AP2A2: variants seen among roughly 807,000 people sequenced by gnomAD.
The protein encoded by AP2A2 is adaptor related protein complex 2 subunit alpha 2.
In AP2A2, 32 loss-of-function variants were observed where a neutral mutation model predicts 104.2. The observed-to-expected ratio is 0.31, with a 90% CI of 0.23 to 0.41. The LOEUF (loss-of-function observed/expected upper bound fraction) is 0.41, where lower values mean the gene tolerates loss of function less well. AP2A2 is among the 10% of genes least tolerant of loss of function. The pLI is 1.00. For synonymous variants in AP2A2, 539 were observed against 533.3 expected (o/e 1.01, Z -0.15); for missense variants, 912 against 1,261.0 (o/e 0.72, Z 4.19).
Position 976,623 on chromosome 11 carries a change from G to A in AP2A2, c.474-472G>A, listed in dbSNP as rs772735457. ...CTTCCCACCGTGTCTGTAGGGACCC[G>A]AAGCCCTTTGCTCCAGGGGCAAGGG... On this transcript the variant is annotated intron_variant, in intron 4 of 21. Transcript: ENST00000448903. Among the ~76,000 whole-genome samples the A allele has an allele frequency of 3.3e-5, 5 of 151,958 alleles. No homozygotes were observed. In the South Asian group the frequency reaches 8.3e-4, roughly 25 times the overall value.
chr11:927,508 G>C (rs1213453410), intron 1 of AP2A2, among the ~76,000 whole-genome samples: 1 of 134,746 alleles, frequency 7.4e-6, no homozygotes, highest in Non-Finnish European at 1.6e-5. Context: ...CCTGTACTCT[G>C]TTAAAAAAAA....
chr11:995,996 G>C (rs541419482), intron 14 of AP2A2: 1 of 151,984 alleles, frequency 6.6e-6, no homozygotes, highest in Non-Finnish European at 1.5e-5. Flanking sequence ...ACCTGCTTTT[G>C]ACCCTGTCTC....
intron 1 of AP2A2, among the ~76,000 whole-genome samples, chr11:930,317 C>T (rs747484380): frequency 6.6e-6 from 1 of 152,024 alleles, no homozygotes; most frequent in Non-Finnish European, 1.5e-5. Context: ...TCAAGCTCTG[C>T]CCCTCAAAGT....
Position 940,322 on chromosome 11 carries a change from T to C in AP2A2, c.67+14234T>C, listed in dbSNP as rs781698288. On this transcript the variant is annotated intron_variant, in intron 1 of 21. Transcript: ENST00000448903. ...TGGCCTTATTCAATCTGGAAACTTA[T>C]GTCTTTTGGGCTCTAGTGGAAAATA... 2.8e-4 allele frequency among the ~76,000 whole-genome samples: 43 copies of C among 152,354 alleles called. 1 individual carries two copies. The highest frequency in any genetic ancestry group is 1.7e-3 in the Admixed American group (26 of 15,292).
chr11:1,006,861 T>G, intron 17 of AP2A2: 1 of 503,506 alleles, frequency 2.0e-6, no homozygotes, highest in Non-Finnish European at 3.5e-6. Context: ...ACATGCCTCC[T>G]CCCCTTCCAT....
chr11:965,804 C>G (rs1854594481), intron 2 of AP2A2, among the ~76,000 whole-genome samples: 1 of 152,216 alleles, frequency 6.6e-6, no homozygotes. Context: ...CTTTAGAAAA[C>G]AACTGTTGTG....
intron 19 of AP2A2, 32 bp from the exon 20 acceptor site, chr11:1,009,296 C>T: frequency 3.7e-6 from 6 of 1,611,796 alleles, no homozygotes; most frequent in Non-Finnish European, 5.1e-6. Context: ...TCTGGCCTGG[C>T]TGAGAACACT....
At chr11:978,306 C>T (rs939671901) in intron 5 of AP2A2, among the ~76,000 whole-genome samples, 13 of 152,132 alleles carry the variant, frequency 8.5e-5, no homozygotes, top group Non-Finnish European at 1.2e-4. Flanking sequence ...TGGGACTGGC[C>T]GGGACTGCTG....
At chr11:929,411 C>T (rs1181424021) in intron 1 of AP2A2, among the ~76,000 whole-genome samples, 1 of 152,142 alleles carries the variant, frequency 6.6e-6, no homozygotes, top group Non-Finnish European at 1.5e-5. Flanking sequence ...CCACAGCGGA[C>T]AGTTGAAGGG....
At chr11:974,937 A>T (rs1056113549) in intron 4 of AP2A2, among the ~76,000 whole-genome samples, 1 of 152,226 alleles carries the variant, frequency 6.6e-6, no homozygotes, top group South Asian at 2.1e-4. Context: ...GTGAGCCGAG[A>T]TTGCTCCACT....
intron 1 of AP2A2, among the ~76,000 whole-genome samples, chr11:952,248 T>C (rs1240674274): frequency 2.0e-5 from 3 of 152,226 alleles, no homozygotes; most frequent in African/African-American, 7.2e-5. Flanking sequence ...TTTGGTACTT[T>C]GGTATTTTAT....
intron 2 of AP2A2, among the ~76,000 whole-genome samples, chr11:961,484 T>C (rs28515085): frequency 3.7e-5 from 3 of 80,488 alleles, no homozygotes; most frequent in East Asian, 3.9e-4. Flanking sequence ...GAAAAGTAAA[T>C]GGCAGAAGCA....
Position 993,438 on chromosome 11 carries a change from C to A in AP2A2, c.1550+57C>A. On this transcript the variant is annotated intron_variant, in intron 12 of 21. Transcript: ENST00000448903. The surrounding 1 kb of genome is among the most constrained non-coding windows in gnomAD (Gnocchi z 8.2). The stretch of plus-strand genomic sequence containing the variant: ...GCGCTCCGGCGGGCCTCTCGGTGGT[C>A]GGTGGCAAGAGGCGAGGCACCAGCT... The A allele has an allele frequency of 1.4e-6, 2 of 1,389,638 alleles. No homozygotes were observed. Among genetic ancestry groups the A allele is most frequent in the African/African-American group, 1.5e-5 (1 of 68,478 alleles). 86.1% of individuals were successfully genotyped at this position (1,389,638 alleles called of 1,614,324 possible). A position where few individuals can be genotyped will look rare whatever the true frequency, so the allele number is the denominator to read the frequency against.
intron 9 of AP2A2, 34 bp from the exon 10 acceptor site, chr11:988,518 C>T (rs371138229): frequency 7.5e-6 from 12 of 1,599,542 alleles, no homozygotes; most frequent in East Asian, 2.2e-5. Flanking sequence ...GTGCCTTGCT[C>T]CTGCGACCTC....
At chr11:973,465 C>T (rs191519459) in intron 4 of AP2A2, among the ~76,000 whole-genome samples, 5 of 152,242 alleles carry the variant, frequency 3.3e-5, no homozygotes, top group African/African-American at 1.2e-4. Flanking sequence ...AGCATAACCA[C>T]GAGAAGACAG....
chr11:995,635 C>T (rs12361897), intron 14 of AP2A2, among the ~76,000 whole-genome samples: 33,049 of 147,494 alleles, frequency 0.22, 3,948 homozygotes, highest in Middle Eastern at 0.33. Flanking sequence ...TTATGTGCCC[C>T]GGCTGACCAT....
chr11:955,759 A>G (rs1174349601), intron 1 of AP2A2, among the ~76,000 whole-genome samples: 2 of 152,200 alleles, frequency 1.3e-5, no homozygotes, highest in Non-Finnish European at 2.9e-5. Flanking sequence ...TTATTAGCAA[A>G]TGTGTAGTAA....
At chr11:955,372 G>T (rs116298685) in intron 1 of AP2A2, among the ~76,000 whole-genome samples, 1 of 152,292 alleles carries the variant, frequency 6.6e-6, no homozygotes, top group South Asian at 2.1e-4. Context: ...ATCCTGGGGG[G>T]CATCAGGCTG....
Position 994,181 on chromosome 11 carries a change from A to G in AP2A2, c.1892A>G (p.Lys631Arg), listed in dbSNP as rs1443397071. ...ACGGTGACAGACCTGGAGGACACCA[A>G]GCGGGACAGGAGTGTGGACGTGAAC... ...PSTVTDLEDT[K>R]RDRSVDVNGG... The change falls in exon 14 of 22, where the codon AAG (lysine) becomes AGG (arginine). Residue 631 changes from lysine (K) to arginine (R), a missense_variant. By Grantham distance (26) the Lys-to-Arg change is conservative. This residue lies in a region of AP2A2 where 105 missense variants were observed against 90.9 expected (regional missense o/e 1.16). Coordinates refer to ENST00000448903, the MANE Select transcript of AP2A2 (RefSeq NM_012305.4). 1.7e-5 allele frequency: 27 copies of G among 1,612,918 alleles called. No homozygotes were observed. The highest frequency in any genetic ancestry group is 2.2e-5 in the East Asian group (1 of 44,888).
Sources: allele counts gnomAD v4.1 joint callset (sites outside exome capture counted in the v4.1 genomes callset), GRCh38; gene constraint gnomAD v4.1.1; regional missense constraint gnomAD v4.1.1; non-coding constraint Gnocchi (gnomAD v3.1); transcripts MANE v1.5; gene names NCBI Gene and HGNC (gene_info 2026-07-23, HGNC 2026-07-21).